ADD3: variants seen among roughly 807,000 people sequenced by gnomAD.
ADD3 encodes gamma-adducin.
In ADD3, 25 loss-of-function variants were observed where a neutral mutation model predicts 80.2. That is an observed-to-expected ratio of 0.31 (90% CI 0.23 to 0.44). The LOEUF (loss-of-function observed/expected upper bound fraction) is 0.44, where lower values mean the gene tolerates loss of function less well. ADD3 is among the 20% of genes least tolerant of loss of function. The pLI, the probability that ADD3 is intolerant of heterozygous loss-of-function variation, is 1.00. For missense variants in ADD3, 829 were observed against 847.5 expected, an observed-to-expected ratio of 0.98 and a Z score of 0.27; for synonymous variants, 284 against 289.6, an observed-to-expected ratio of 0.98 and a Z score of 0.20.
At chr10:110,057,790 T>C (rs1390698378) in intron 1 of ADD3, among the ~76,000 whole-genome samples, 1 of 152,154 alleles carries the variant, frequency 6.6e-6, no homozygotes, top group African/African-American at 2.4e-5. Flanking sequence ...AAGAATATAC[T>C]TTTTAAGAAT....
At chr10:110,063,428 A>T (rs1188342626) in intron 1 of ADD3, among the ~76,000 whole-genome samples, 1 of 152,016 alleles carries the variant, frequency 6.6e-6, no homozygotes, top group Non-Finnish European at 1.5e-5. Flanking sequence ...TGGATCACTT[A>T]CATTTTGTAT....
At chr10:110,010,893 G>A (rs1245073190) in intron 1 of ADD3, among the ~76,000 whole-genome samples, 1 of 152,150 alleles carries the variant, frequency 6.6e-6, no homozygotes, top group Non-Finnish European at 1.5e-5. Context: ...CACATGTCTT[G>A]TTTAACCACA....
chr10:110,078,936 GA>G (rs1240668025), intron 1 of ADD3, among the ~76,000 whole-genome samples: 1 of 152,066 alleles, frequency 6.6e-6, no homozygotes, highest in Admixed American at 6.5e-5. Flanking sequence ...AACTTTAATA[GA>G]AAATCATAGT....
chr10:110,096,599 G>A lies in ADD3; in HGVS notation c.-29-4026G>A, dbSNP rs560824594. On this transcript the variant is annotated intron_variant, in intron 1 of 14. Transcript: ENST00000356080. ...ATGTTGCGATAGTTAGCTGGGGGGG[G>A]TCTGCTGGGAACCTGGCTTACTGGG... Among the ~76,000 whole-genome samples, 17 of 152,240 alleles carry A rather than the reference G, an allele frequency of 1.1e-4. 1 individual carries two copies. The South Asian group carries it at 3.5e-3, about 32-fold the overall frequency.
At chr10:110,025,461 G>A (rs1016388771) in intron 1 of ADD3, among the ~76,000 whole-genome samples, 1 of 152,014 alleles carries the variant, frequency 6.6e-6, no homozygotes, top group African/African-American at 2.4e-5. Flanking sequence ...TAGAAGTAAG[G>A]GGTCTCTAGG....
At chr10:110,115,394 A>AC (rs1412957122) in intron 3 of ADD3, among the ~76,000 whole-genome samples, 4 of 152,158 alleles carry the variant, frequency 2.6e-5, no homozygotes, top group African/African-American at 9.7e-5. Context: ...CGTCTCAAAA[A>AC]AAAACAAAAC....
At chr10:110,127,327 A>G (rs564931759) in intron 12 of ADD3, among the ~76,000 whole-genome samples, 2 of 152,252 alleles carry the variant, frequency 1.3e-5, no homozygotes, top group African/African-American at 4.8e-5. Context: ...TAAAAGAATT[A>G]TAAAGTCCCG....
At chr10:110,093,626 G>A (rs1256809979) in intron 1 of ADD3, among the ~76,000 whole-genome samples, 4 of 152,248 alleles carry the variant, frequency 2.6e-5, no homozygotes, top group African/African-American at 7.2e-5. Context: ...TTAGTGGTCC[G>A]TACCTTGCAT....
intron 2 of ADD3, among the ~76,000 whole-genome samples, chr10:110,109,869 AG>A (rs766162377): frequency 6.6e-5 from 10 of 151,208 alleles, no homozygotes; most frequent in Non-Finnish European, 1.3e-4. Context: ...TTATCTTCAC[AG>A]GGTCTTGGAT....
chr10:110,054,878 T>C (rs1857979100), intron 1 of ADD3, among the ~76,000 whole-genome samples: 1 of 152,046 alleles, frequency 6.6e-6, no homozygotes, highest in Admixed American at 6.5e-5. Flanking sequence ...CCTCCCAACG[T>C]GCTGGGCTTA....
intron 1 of ADD3, among the ~76,000 whole-genome samples, chr10:110,054,567 G>GAGT (rs1857923778): frequency 6.6e-6 from 1 of 150,780 alleles, no homozygotes; most frequent in Non-Finnish European, 1.5e-5. Flanking sequence ...TCAGCCTGCG[G>GAGT]AGTAGCTGGG....
chr10:109,997,917 G>A (rs1393650649), intron 1 of ADD3, among the ~76,000 whole-genome samples: 1 of 152,088 alleles, frequency 6.6e-6, no homozygotes, highest in Non-Finnish European at 1.5e-5. Context: ...TCTAAATCCG[G>A]GCGGTTTTCA....
At chr10:109,999,577 C>CA (rs1326076473) in intron 1 of ADD3, among the ~76,000 whole-genome samples, 1 of 152,200 alleles carries the variant, frequency 6.6e-6, no homozygotes, top group Non-Finnish European at 1.5e-5. Context: ...TTCTGAGTCT[C>CA]AGTTTCCTCA....
intron 1 of ADD3, among the ~76,000 whole-genome samples, chr10:110,030,944 G>T (rs1219463452): frequency 6.6e-6 from 1 of 151,472 alleles, no homozygotes; most frequent in East Asian, 1.9e-4. Context: ...TTAATGGTTG[G>T]TGACTCCTGA....
chr10:110,116,518 C>T (rs778529828), intron 4 of ADD3, 108 bp downstream of exon 4: 1 of 1,137,534 alleles, frequency 8.8e-7, no homozygotes, highest in African/African-American at 1.6e-5. Flanking sequence ...ATTCTCTAAA[C>T]CTAGTATGCT....
intron 1 of ADD3, chr10:110,016,639 C>T (rs1047425704): frequency 2.6e-5 from 4 of 152,156 alleles, no homozygotes; most frequent in Admixed American, 2.6e-4. Flanking sequence ...TTTAAGAATA[C>T]TTGAATACTT....
Position 110,054,048 on chromosome 10 carries a change from A to C in ADD3, c.-30+45749A>C, listed in dbSNP as rs966037007. ...ATTTGATGTGTACTGACTTAGAATAAAATGTCCACTATAAATGTTTGAAAA... is the reference window on the plus strand; with the variant it reads ...ATTTGATGTGTACTGACTTAGAATACAATGTCCACTATAAATGTTTGAAAA... On this transcript the variant is annotated intron_variant, in intron 1 of 14. Coordinates refer to ENST00000356080, the MANE Select transcript of ADD3 (RefSeq NM_016824.5). 4.6e-5 allele frequency among the ~76,000 whole-genome samples: 7 copies of C among 152,200 alleles called. No homozygotes were observed. The East Asian group carries it at 1.3e-3, about 29-fold the overall frequency.
chr10:110,023,041 A>G (rs534440259), intron 1 of ADD3, among the ~76,000 whole-genome samples: 27 of 152,300 alleles, frequency 1.8e-4, no homozygotes, highest in African/African-American at 6.0e-4. Context: ...GGCATAATCA[A>G]ATGTCTCTGA....
chr10:110,025,247 G>A (rs1291875162), intron 1 of ADD3, among the ~76,000 whole-genome samples: 1 of 151,820 alleles, frequency 6.6e-6, no homozygotes, highest in Non-Finnish European at 1.5e-5. Flanking sequence ...CTAAGGCAGA[G>A]GTATAGAAAG....
Sources: gnomAD v4.1 joint callset for allele counts (sites outside exome capture counted in the v4.1 genomes callset) on GRCh38, gnomAD v4.1.1 for gene constraint, MANE v1.5 for transcripts, NCBI Gene and HGNC (gene_info 2026-07-23, HGNC 2026-07-21) for gene names.